Variants in DDR2 observed in about 807,000 individuals in gnomAD.
DDR2 encodes the protein discoidin domain receptor tyrosine kinase 2.
DDR2 carries 27 observed loss-of-function variants against 94.9 expected under a neutral mutation model. The observed-to-expected ratio is 0.28, with a 90% CI of 0.21 to 0.39. The LOEUF is 0.39. Among genes scored for constraint, DDR2 ranks in the 10% least tolerant of loss-of-function variants. The probability of loss-of-function intolerance (pLI) is 1.00; values close to 1 mark genes in which losing one functional copy is unlikely to be tolerated. For synonymous variants in DDR2, 382 were observed against 377.2 expected, an observed-to-expected ratio of 1.01 and a Z score of -0.15; for missense variants, 783 against 1,076.0, an observed-to-expected ratio of 0.73 and a Z score of 3.81.
intron 16 of DDR2, among the ~76,000 whole-genome samples, 177 bp from the exon 17 acceptor site, chr1:162,778,403 C>G (rs530867938): frequency 6.6e-6 from 1 of 152,274 alleles, no homozygotes; most frequent in African/African-American, 2.4e-5. Context: ...CAGAACCAAG[C>G]TGAGATCATG....
At chr1:162,733,105 G>A (rs1262673615) in intron 3 of DDR2, among the ~76,000 whole-genome samples, 1 of 152,238 alleles carries the variant, frequency 6.6e-6, no homozygotes, top group Non-Finnish European at 1.5e-5. Context: ...GAAAAACCAG[G>A]AGACACTTCT....
chr1:162,721,072 T>G (rs899506964), intron 3 of DDR2, among the ~76,000 whole-genome samples: 1 of 152,194 alleles, frequency 6.6e-6, no homozygotes, highest in Non-Finnish European at 1.5e-5. Context: ...TTCCTCTCAA[T>G]CAATTGTTGA....
intron 2 of DDR2, among the ~76,000 whole-genome samples, 163 bp downstream of exon 2, chr1:162,655,537 T>C (rs1233889554): frequency 6.6e-6 from 1 of 152,230 alleles, no homozygotes; most frequent in Non-Finnish European, 1.5e-5. Context: ...TGTATTTGAC[T>C]ATATAGGAAA....
intron 1 of DDR2, among the ~76,000 whole-genome samples, chr1:162,651,673 C>A (rs1231344870): frequency 6.6e-6 from 1 of 152,062 alleles, no homozygotes; most frequent in Non-Finnish European, 1.5e-5. Context: ...CGTGGTTGAA[C>A]AAATTACTAT....
chr1:162,767,129 C>A, intron 10 of DDR2, 100 bp from the exon 11 acceptor site: 2 of 1,554,632 alleles, frequency 1.3e-6, no homozygotes, highest in South Asian at 1.1e-5. Context: ...TAATTATCCT[C>A]AAGGAACAGG....
chr1:162,635,440 C>T (rs1041946941), intron 1 of DDR2, among the ~76,000 whole-genome samples: 2 of 152,226 alleles, frequency 1.3e-5, no homozygotes, highest in African/African-American at 4.8e-5. Flanking sequence ...ACAATCCAAA[C>T]ACATGTCTCG....
intron 3 of DDR2, among the ~76,000 whole-genome samples, chr1:162,736,199 C>T (rs1662289983): frequency 6.6e-6 from 1 of 152,232 alleles, no homozygotes; most frequent in South Asian, 2.1e-4. Context: ...TAACAGGAGG[C>T]TCACAAACAT....
chr1:162,780,471 G>C lies in DDR2; in HGVS notation c.*225G>C. The stretch of plus-strand genomic sequence containing the variant: ...CTAAAAAAGGAAAAAAAAAAGCCTA[G>C]GGCAGATACAATCTAGTAAAAGAAA... On this transcript the variant is annotated 3_prime_UTR_variant, in exon 18 of 18. Coordinates refer to ENST00000367921, the MANE Select transcript of DDR2 (RefSeq NM_006182.4). The C allele has an allele frequency of 1.8e-6, 1 of 563,176 alleles. No homozygotes were observed. Among genetic ancestry groups the C allele is most frequent in the Non-Finnish European group, 3.0e-6 (1 of 331,008 alleles). 34.9% of individuals were successfully genotyped at this position (563,176 alleles called of 1,614,324 possible). A position where few individuals can be genotyped will look rare whatever the true frequency, so the allele number is the denominator to read the frequency against.
chr1:162,647,238 A>G (rs754321561), intron 1 of DDR2, among the ~76,000 whole-genome samples: 4 of 152,224 alleles, frequency 2.6e-5, no homozygotes, highest in Non-Finnish European at 5.9e-5. Flanking sequence ...ATGAGATAGA[A>G]TAAATCTTCC....
At chr1:162,678,032 G>T (rs1458070857) in intron 2 of DDR2, among the ~76,000 whole-genome samples, 1 of 152,182 alleles carries the variant, frequency 6.6e-6, no homozygotes. Flanking sequence ...GAGTGAATTT[G>T]GTGAAACCGA....
chr1:162,772,325 T>G (rs1343523860), intron 13 of DDR2, 78 bp downstream of exon 13: 13 of 1,415,084 alleles, frequency 9.2e-6, no homozygotes, highest in Non-Finnish European at 1.3e-5. Context: ...AAGAGTCCCT[T>G]CCAGAGGTGG....
At chr1:162,730,333 C>A (rs1372165926) in intron 3 of DDR2, among the ~76,000 whole-genome samples, 4 of 152,046 alleles carry the variant, frequency 2.6e-5, no homozygotes, top group Admixed American at 2.6e-4. Flanking sequence ...GAGGGTGAGG[C>A]CTTCATGCTT....
At chr1:162,691,634 G>A (rs1659966098) in intron 2 of DDR2, among the ~76,000 whole-genome samples, 1 of 152,182 alleles carries the variant, frequency 6.6e-6, no homozygotes, top group Admixed American at 6.5e-5. Context: ...TGGGGAGGCG[G>A]TACCCTGATT....
At chr1:162,653,213 G>A (rs1468974469) in intron 1 of DDR2, among the ~76,000 whole-genome samples, 1 of 152,160 alleles carries the variant, frequency 6.6e-6, no homozygotes, top group Non-Finnish European at 1.5e-5. Flanking sequence ...TAGCTTCTAC[G>A]TCAGCAAAAT....
At position 162,781,522 on chromosome 1, in the gene DDR2, C is replaced by T. The variant is rs1368271454; in HGVS notation, c.*1276C>T. 2 of 152,216 alleles carry T rather than the reference C, an allele frequency of 1.3e-5. No homozygotes were observed. The highest frequency in any genetic ancestry group is 1.5e-5 in the Non-Finnish European group (1 of 68,076). 9.4% of individuals were successfully genotyped at this position (152,216 alleles called of 1,614,324 possible). A position where few individuals can be genotyped will look rare whatever the true frequency, so the allele number is the denominator to read the frequency against. On this transcript the variant is annotated 3_prime_UTR_variant, in exon 18 of 18. Coordinates refer to ENST00000367921, the MANE Select transcript of DDR2 (RefSeq NM_006182.4). ...ACAATGCAAGGAAAATGGAGGTTTT[C>T]AAACACAAAGTGGATGGTGGTATGA... is the stretch of plus-strand genomic sequence containing the variant.
At chr1:162,643,993 G>A (rs1335847345) in intron 1 of DDR2, among the ~76,000 whole-genome samples, 1 of 152,036 alleles carries the variant, frequency 6.6e-6, no homozygotes, top group East Asian at 1.9e-4. Context: ...AATGAGACCT[G>A]GCTATTAAGA....
intron 3 of DDR2, among the ~76,000 whole-genome samples, chr1:162,726,778 T>A (rs1475299656): frequency 2.6e-5 from 4 of 152,072 alleles, no homozygotes; most frequent in Admixed American, 2.6e-4. Context: ...AACAACAGTG[T>A]TGGCAGGAGC....
intron 2 of DDR2, among the ~76,000 whole-genome samples, chr1:162,706,113 T>G (rs1006621397): frequency 3.3e-5 from 5 of 152,202 alleles, no homozygotes; most frequent in Non-Finnish European, 7.3e-5. Context: ...AGTGCCATGG[T>G]GAAGATAAGA....
chr1:162,737,043 ATGCTGTATATGTACCACATTT>A (rs1662332494), intron 3 of DDR2, among the ~76,000 whole-genome samples: 1 of 152,054 alleles, frequency 6.6e-6, no homozygotes, highest in Admixed American at 6.6e-5. Context: ...ATAGTATTCC[ATGCTGTATATGTACCACATTT>A]TCTTTTCTTT....
Sources: gnomAD v4.1 joint callset for allele counts (sites outside exome capture counted in the v4.1 genomes callset) on GRCh38, gnomAD v4.1.1 for gene constraint, MANE v1.5 for transcripts, NCBI Gene and HGNC (gene_info 2026-07-23, HGNC 2026-07-21) for gene names.